Variants in POLR1B observed in about 807,000 individuals in gnomAD.
The protein encoded by POLR1B is RNA polymerase I subunit B, also known as DNA-directed RNA polymerase I subunit RPA2.
A neutral mutation model predicts 105.8 loss-of-function variants in POLR1B; 30 were observed. The observed-to-expected ratio is 0.28, with a 90% confidence interval of 0.21 to 0.38. POLR1B has a LOEUF of 0.38. Among genes scored for constraint, POLR1B ranks in the 10% least tolerant of loss-of-function variants. The pLI, the probability that POLR1B is intolerant of heterozygous loss-of-function variation, is 1.00. For synonymous variants in POLR1B, 485 were observed against 505.1 expected (o/e 0.96, Z 0.53); for missense variants, 976 against 1,435.8 (o/e 0.68, Z 5.17).
Position 112,547,500 on chromosome 2 carries a change from A to G in POLR1B, c.425A>G (p.Lys142Arg). ...CTTGGCTATGTTCCCATCATGGTGA[A>G]ATCCAAGCTTTGCAACTTACGTAAC... is the stretch of plus-strand genomic sequence containing the variant. ...QFLGYVPIMVKSKLCNLRNLP... is the reference protein window; with the variant it reads ...QFLGYVPIMVRSKLCNLRNLP... Residue 142 changes from lysine (K) to arginine (R), a missense_variant, in exon 3 of 15, where the codon AAA (lysine) becomes AGA (arginine). Physicochemically the swap from Lys to Arg is conservative, Grantham distance 26. Around this residue, in one of 12 missense-constraint regions of POLR1B, gnomAD observed 452 missense variants for 616.5 expected, o/e 0.73. Coordinates refer to ENST00000263331, the MANE Select transcript of POLR1B (RefSeq NM_019014.6). 1.9e-6 allele frequency: 3 copies of G among 1,614,202 alleles called. No individual in the cohort carries two copies. Among genetic ancestry groups the G allele is most frequent in the Non-Finnish European group, 1.7e-6 (2 of 1,180,034 alleles).
At chr2:112,551,484 T>A (rs1050343259) in intron 5 of POLR1B, among the ~76,000 whole-genome samples, 1 of 151,850 alleles carries the variant, frequency 6.6e-6, no homozygotes, top group Admixed American at 6.6e-5. Flanking sequence ...GCCCTGGGAG[T>A]CTCCCATTAT....
chr2:112,553,309 T>C (rs775761354), intron 7 of POLR1B: 2 of 152,220 alleles, frequency 1.3e-5, no homozygotes, highest in Non-Finnish European at 2.9e-5. Flanking sequence ...AGGGTCCTTT[T>C]TGAGGTGCAT....
Position 112,547,196 on chromosome 2 carries a change from C to G in POLR1B, c.345+17C>G. The G allele has an allele frequency of 6.2e-7, 1 of 1,613,458 alleles. No individual in the cohort carries two copies. Among genetic ancestry groups the G allele is most frequent in the Non-Finnish European group, 8.5e-7 (1 of 1,179,608 alleles). ...AAGTTGACAGTGAGTACTAGTGATA[C>G]TGTGTGACTCTCAACACTGCACATA... On this transcript the variant is annotated intron_variant, in intron 2 of 14. Coordinates refer to ENST00000263331, the MANE Select transcript of POLR1B (RefSeq NM_019014.6).
intron 11 of POLR1B, 67 bp downstream of exon 11, chr2:112,568,204 T>TAA: frequency 7.0e-7 from 1 of 1,437,462 alleles, no homozygotes. Context: ...TTCAGAGACT[T>TAA]AACTCTTCCT....
intron 1 of POLR1B, among the ~76,000 whole-genome samples, chr2:112,543,385 T>C (rs976984190): frequency 6.7e-6 from 1 of 150,280 alleles, no homozygotes; most frequent in African/African-American, 2.5e-5. Context: ...GTGAAGATAA[T>C]GAAAGCAGTG....
chr2:112,563,522 A>G (rs755603600), intron 9 of POLR1B, among the ~76,000 whole-genome samples: 1 of 152,174 alleles, frequency 6.6e-6, no homozygotes, highest in Non-Finnish European at 1.5e-5. Context: ...TTTATCAACT[A>G]AGTTTATGAA....
rs1446460695 is a variant in POLR1B at position 112,543,701 on chromosome 2, T to C, written c.177+1030T>C. Among the ~76,000 whole-genome samples, 3 of 152,114 alleles carry C rather than the reference T, an allele frequency of 2.0e-5. No homozygotes were observed. The East Asian group carries it at 5.8e-4, about 29-fold the overall frequency. On this transcript the variant is annotated intron_variant, in intron 1 of 14. Transcript: ENST00000263331. Reference sequence around the variant, plus strand: ...CAAATAATATGGGAGCCATTAAGATTTATTGTTTAGAAAGACTAGAGGGGT... The same window carrying C: ...CAAATAATATGGGAGCCATTAAGATCTATTGTTTAGAAAGACTAGAGGGGT...
intron 4 of POLR1B, among the ~76,000 whole-genome samples, chr2:112,550,323 A>G (rs1683306267): frequency 6.6e-6 from 1 of 152,218 alleles, no homozygotes; most frequent in Non-Finnish European, 1.5e-5. Context: ...AGCATGTTGT[A>G]TTCTTGAGCA....
rs752031046 is a variant in POLR1B at position 112,578,606 on chromosome 2, T to C, written c.*2877T>C. Among the ~76,000 whole-genome samples the C allele has an allele frequency of 7.2e-5, 11 of 152,178 alleles. No homozygotes were observed. Among genetic ancestry groups the C allele is most frequent in the Non-Finnish European group, 1.2e-4 (8 of 68,040 alleles). ...TTGAACATTTTGGTTGTTTCCAGTT[T>C]GGGGGCATTAACAATAAAGCTGATC... On this transcript the variant is annotated 3_prime_UTR_variant, in exon 15 of 15. Coordinates refer to ENST00000263331, the MANE Select transcript of POLR1B (RefSeq NM_019014.6).
At position 112,575,702 on chromosome 2, in the gene POLR1B, C is replaced by T; in HGVS notation, c.3381C>T (p.Asn1127=). The part of the protein sequence containing the change: ...RYFVAELAAM[N]IKVKLDVV Reference sequence around the variant, plus strand: ...TTGTAGCTGAACTGGCAGCTATGAACATCAAAGTGAAACTGGATGTTGTTT... The same window carrying T: ...TTGTAGCTGAACTGGCAGCTATGAATATCAAAGTGAAACTGGATGTTGTTT... The change falls in exon 15 of 15, where the codon AAC becomes AAT. Residue 1127 remains asparagine, a synonymous_variant. Coordinates refer to ENST00000263331, the MANE Select transcript of POLR1B (RefSeq NM_019014.6). The surrounding 1 kb of genome is among the most constrained non-coding windows in gnomAD (Gnocchi z 5.3). The T allele has an allele frequency of 6.2e-7, 1 of 1,611,680 alleles. No homozygotes were observed. The highest frequency in any genetic ancestry group is 8.5e-7 in the Non-Finnish European group (1 of 1,178,570).
chr2:112,556,910 A>G (rs1234122220), intron 7 of POLR1B, among the ~76,000 whole-genome samples: 1 of 152,238 alleles, frequency 6.6e-6, no homozygotes, highest in Admixed American at 6.5e-5. Context: ...AATCAGAGTA[A>G]TTAACACATT....
In POLR1B at chr2:112,577,168, A is replaced by G. The variant is rs1354971446; in HGVS notation, c.*1439A>G. ...TGATGATGAAAGCTTTCCTAAGGTA[A>G]TTCTTTCCTGAGTTTGGTTCAGATG... On this transcript the variant is annotated 3_prime_UTR_variant, in exon 15 of 15. Transcript: ENST00000263331. The G allele has an allele frequency of 6.6e-6, 1 of 152,210 alleles. No homozygotes were observed. Among genetic ancestry groups the G allele is most frequent in the African/African-American group, 2.4e-5 (1 of 41,458 alleles). The allele number at this position is 152,210 out of a possible 1,614,324, so 9.4% of individuals were successfully genotyped here.
intron 11 of POLR1B, 150 bp downstream of exon 11, chr2:112,568,287 A>T: frequency 1.3e-6 from 1 of 781,474 alleles, no homozygotes. Flanking sequence ...CACCTCCTCT[A>T]TGATCAGCAC....
At chr2:112,564,793 G>T (rs891603858) in intron 10 of POLR1B, among the ~76,000 whole-genome samples, 7 of 152,110 alleles carry the variant, frequency 4.6e-5, no homozygotes, top group African/African-American at 1.7e-4. Context: ...TAATACTAGT[G>T]GCATAGAAGG....
At chr2:112,546,345 A>G (rs564651822) in intron 1 of POLR1B, among the ~76,000 whole-genome samples, 1 of 152,196 alleles carries the variant, frequency 6.6e-6, no homozygotes, top group African/African-American at 2.4e-5. Context: ...CAGTAGTCCC[A>G]TTTGTCTTGC....
In POLR1B at chr2:112,559,464, A is replaced by G; in HGVS notation, c.1502A>G (p.His501Arg). Reference sequence around the variant, plus strand: ...TCCTGGGGCTTCCTTTGTCCCGTGCATACCCCAGACGGGGAGCCCTGTGGC... The same window carrying G: ...TCCTGGGGCTTCCTTTGTCCCGTGCGTACCCCAGACGGGGAGCCCTGTGGC... Reference protein sequence around the residue: ...PESWGFLCPVHTPDGEPCGLM... With the variant: ...PESWGFLCPVRTPDGEPCGLM... The change falls in exon 9 of 15, where the codon CAT becomes CGT. Residue 501 changes from histidine to arginine, a missense_variant. His to Arg is a conservative substitution (Grantham distance 29). This residue lies in a region of POLR1B where 5 missense variants were observed against 27.8 expected (regional missense o/e 0.18). Transcript: ENST00000263331. 6.2e-7 allele frequency: 1 copy of G among 1,614,242 alleles called. No individual in the cohort carries two copies. Among genetic ancestry groups the G allele is most frequent in the Non-Finnish European group, 8.5e-7 (1 of 1,180,052 alleles).
chr2:112,556,290 C>T (rs773141521), intron 7 of POLR1B, among the ~76,000 whole-genome samples: 2 of 152,238 alleles, frequency 1.3e-5, no homozygotes, highest in Non-Finnish European at 2.9e-5. Context: ...GGTGAGCTAA[C>T]AGCTTCCTTC....
intron 7 of POLR1B, among the ~76,000 whole-genome samples, chr2:112,556,277 T>TTG (rs1683658380): frequency 6.6e-6 from 1 of 152,216 alleles, no homozygotes; most frequent in Admixed American, 6.5e-5. Flanking sequence ...AATACCCTTG[T>TTG]TGGGTGAGCT....
chr2:112,558,486 C>T (rs1185854161), intron 8 of POLR1B, among the ~76,000 whole-genome samples: 1 of 152,052 alleles, frequency 6.6e-6, no homozygotes, highest in Non-Finnish European at 1.5e-5. Context: ...GTCACTTGAT[C>T]CTAGGAGGTC....
Sources: allele counts gnomAD v4.1 joint callset (sites outside exome capture counted in the v4.1 genomes callset), GRCh38; gene constraint gnomAD v4.1.1; regional missense constraint gnomAD v4.1.1; non-coding constraint Gnocchi (gnomAD v3.1); transcripts MANE v1.5; gene names NCBI Gene and HGNC (gene_info 2026-07-23, HGNC 2026-07-21).